DNAH8: variants seen among roughly 807,000 people sequenced by gnomAD.
DNAH8 encodes the protein dynein axonemal heavy chain 8.
DNAH8 carries 382 observed loss-of-function variants against 562.1 expected under a neutral mutation model. The observed-to-expected ratio is 0.68, with a 90% CI of 0.63 to 0.74. DNAH8 has a LOEUF of 0.74. Among genes scored for constraint, DNAH8 ranks in the 30% least tolerant of loss-of-function variants. The probability of loss-of-function intolerance (pLI) is 0.00; values close to 1 mark genes in which losing one functional copy is unlikely to be tolerated. For missense variants in DNAH8, 5,203 were observed against 5,620.4 expected (o/e 0.93, Z 2.37); for synonymous variants, 1,881 against 1,919.4 (o/e 0.98, Z 0.52).
chr6:38,892,904 A>G (rs899485711), intron 58 of DNAH8, among the ~76,000 whole-genome samples: 6 of 152,000 alleles, frequency 3.9e-5, no homozygotes, highest in African/African-American at 7.3e-5. Context: ...GCTCATTCTC[A>G]TCACTCTTAC....
chr6:38,893,431 A>AT (rs1021101326), intron 58 of DNAH8, among the ~76,000 whole-genome samples: 9 of 151,650 alleles, frequency 5.9e-5, no homozygotes, highest in African/African-American at 1.7e-4. Flanking sequence ...AAAGAAAGGA[A>AT]TTTTTTTTTA....
At chr6:38,771,053 T>A (rs1767522414) in intron 12 of DNAH8, among the ~76,000 whole-genome samples, 1 of 152,114 alleles carries the variant, frequency 6.6e-6, no homozygotes, top group Non-Finnish European at 1.5e-5. Flanking sequence ...GGAGTGACAT[T>A]TTTTTGGGGG....
rs193027825 is a variant in DNAH8, at chr6:38,849,306, T to C, written c.5199+505T>C. 3.3e-5 allele frequency among the ~76,000 whole-genome samples: 5 copies of C among 152,254 alleles called. No individual in the cohort carries two copies. In the East Asian group the frequency reaches 9.6e-4, roughly 29 times the overall value. ...CTATATTCTGTAAGCACAGATCAAC[T>C]TTAGTTAATTATTACTAAGTCTACT... is the stretch of plus-strand genomic sequence containing the variant. On this transcript the variant is annotated intron_variant, in intron 37 of 92. Coordinates refer to ENST00000327475, the MANE Select transcript of DNAH8 (RefSeq NM_001206927.2).
Position 39,030,346 on chromosome 6 carries a change from A to G in DNAH8, c.14078A>G (p.Asp4693Gly). 6.2e-7 allele frequency: 1 copy of G among 1,614,166 alleles called. No individual in the cohort carries two copies. Among genetic ancestry groups the G allele is most frequent in the Non-Finnish European group, 8.5e-7 (1 of 1,180,044 alleles). ...TATTTACGAACAGTGTTGTCCCCGGATCACTGGATCCTGAGAGGAGTGGCC... is the reference window on the plus strand; with the variant it reads ...TATTTACGAACAGTGTTGTCCCCGGGTCACTGGATCCTGAGAGGAGTGGCC... ...VVYLRTVLSP[D>G]HWILRGVALL... Residue 4693 changes from aspartate to glycine, a missense_variant, in exon 93 of 93, where the codon GAT (aspartate) becomes GGT (glycine). Physicochemically the swap from Asp to Gly is moderately conservative, Grantham distance 94. Around this residue, in one of 6 missense-constraint regions of DNAH8, gnomAD observed 1,399 missense variants for 1,518.4 expected, o/e 0.92. Transcript: ENST00000327475.
At chr6:39,008,621 C>T (rs1460096423) in intron 88 of DNAH8, among the ~76,000 whole-genome samples, 193 bp from the exon 89 acceptor site, 1 of 137,830 alleles carries the variant, frequency 7.3e-6, no homozygotes, top group Non-Finnish European at 1.7e-5. Flanking sequence ...TTCTTGATGT[C>T]CTATTAGGAG....
At chr6:38,715,930 ATAT>A (rs1562520299) in intron 1 of DNAH8, among the ~76,000 whole-genome samples, 641 of 24,812 alleles carry the variant, frequency 0.026, 52 homozygotes, top group Non-Finnish European at 0.033. Context: ...AAATAAATAT[ATAT>A]ATATATATAT....
chr6:38,990,257 C>T, intron 88 of DNAH8, 85 bp downstream of exon 88: 1 of 878,138 alleles, frequency 1.1e-6, no homozygotes, highest in Non-Finnish European at 1.8e-6. Flanking sequence ...CTCTCCTAAT[C>T]TCTCTCCTTT....
intron 12 of DNAH8, among the ~76,000 whole-genome samples, chr6:38,775,539 A>G (rs1451159452): frequency 6.6e-6 from 1 of 152,182 alleles, no homozygotes; most frequent in East Asian, 1.9e-4. Flanking sequence ...CTCTCTCTGG[A>G]TATGATAGAA....
At chr6:38,847,961 G>A (rs1336877833) in intron 36 of DNAH8, among the ~76,000 whole-genome samples, 1 of 151,942 alleles carries the variant, frequency 6.6e-6, no homozygotes, top group Non-Finnish European at 1.5e-5. Flanking sequence ...AGCAACCCTG[G>A]GTCTCTAGCT....
intron 67 of DNAH8, 104 bp from the exon 68 acceptor site, chr6:38,915,097 T>G: frequency 1.0e-6 from 1 of 994,126 alleles, no homozygotes; most frequent in South Asian, 1.8e-5. Context: ...TTGTTCTTAT[T>G]CGTGTTTTAT....
At chr6:38,862,487 A>C (rs1776711523) in intron 44 of DNAH8, 29 bp downstream of exon 44, 2 of 1,576,392 alleles carry the variant, frequency 1.3e-6, no homozygotes, top group African/African-American at 2.7e-5. Context: ...AGATTATTTT[A>C]GGTGAATTTA....
intron 26 of DNAH8, among the ~76,000 whole-genome samples, chr6:38,815,970 A>G (rs563309800): frequency 6.6e-6 from 1 of 152,310 alleles, no homozygotes; most frequent in East Asian, 1.9e-4. Context: ...AGTTATGAAT[A>G]TGATATGATA....
intron 38 of DNAH8, among the ~76,000 whole-genome samples, chr6:38,850,848 G>A (rs1250188609): frequency 5.9e-5 from 9 of 152,048 alleles, no homozygotes; most frequent in Non-Finnish European, 1.0e-4. Flanking sequence ...TCCTCTTCCT[G>A]TGTGTCTCTT....
chr6:38,804,347 G>A (rs990726251), intron 22 of DNAH8, among the ~76,000 whole-genome samples: 2 of 152,226 alleles, frequency 1.3e-5, no homozygotes, highest in African/African-American at 4.8e-5. Flanking sequence ...TAAATTGGAA[G>A]AGAAAGACAT....
At position 38,925,460 on chromosome 6, in the gene DNAH8, T is replaced by C. The variant is rs555874309; in HGVS notation, c.10963-595T>C. ...AAGTGACCCTCCCAGACTCCCAAAA[T>C]GCTGGGATTATAGGCATGAACCACT... On this transcript the variant is annotated intron_variant, in intron 73 of 92. Coordinates refer to ENST00000327475, the MANE Select transcript of DNAH8 (RefSeq NM_001206927.2). 2.4e-3 allele frequency among the ~76,000 whole-genome samples: 360 copies of C among 152,004 alleles called. 2 individuals are homozygous for C. Among genetic ancestry groups the C allele is most frequent in the African/African-American group, 8.0e-3 (332 of 41,446 alleles).
intron 11 of DNAH8, chr6:38,763,665 G>A: frequency 1.1e-5 from 2 of 174,098 alleles, no homozygotes; most frequent in Non-Finnish European, 2.4e-5. Flanking sequence ...AACTTAGCCA[G>A]GTGTGTTGGT....
intron 47 of DNAH8, 140 bp from the exon 48 acceptor site, chr6:38,867,921 AG>A: frequency 1.4e-6 from 1 of 716,830 alleles, no homozygotes; most frequent in Non-Finnish European, 2.3e-6. Context: ...CAGGAAGTTG[AG>A]CTAATAAACC....
chr6:38,898,113 A>G, intron 60 of DNAH8, 145 bp from the exon 61 acceptor site: 1 of 700,176 alleles, frequency 1.4e-6, no homozygotes. Flanking sequence ...AAAGTAGACT[A>G]ATACGTGAGA....
At chr6:38,734,326 A>AT in intron 4 of DNAH8, 148 bp from the exon 5 acceptor site, 3 of 448,808 alleles carry the variant, frequency 6.7e-6, no homozygotes, top group Non-Finnish European at 9.9e-6. Context: ...CTTCTAGTAG[A>AT]CCCCCCCCCA....
Sources: gnomAD v4.1 joint callset for allele counts (sites outside exome capture counted in the v4.1 genomes callset) on GRCh38, gnomAD v4.1.1 for gene constraint, gnomAD v4.1.1 regional missense constraint, MANE v1.5 for transcripts, NCBI Gene and HGNC (gene_info 2026-07-23, HGNC 2026-07-21) for gene names.